ASAP1: variants seen among roughly 807,000 people sequenced by gnomAD.
ASAP1 encodes the protein ArfGAP with SH3 domain, ankyrin repeat and PH domain 1.
Under a neutral mutation model 145.2 loss-of-function variants are expected in ASAP1, and 43 were observed. That is an observed-to-expected ratio of 0.30 (90% CI 0.23 to 0.38). The LOEUF (loss-of-function observed/expected upper bound fraction) is 0.38. Ranked by LOEUF, ASAP1 falls within the 10% of genes least tolerant of loss-of-function variation. ASAP1 has a pLI of 1.00. For synonymous variants in ASAP1, 546 were observed against 515.5 expected (o/e 1.06, Z -0.80); for missense variants, 1,018 against 1,355.3 (o/e 0.75, Z 3.91).
At chr8:130,322,883 C>T (rs1319765672) in intron 3 of ASAP1, among the ~76,000 whole-genome samples, 4 of 152,114 alleles carry the variant, frequency 2.6e-5, no homozygotes, top group East Asian at 3.8e-4. Flanking sequence ...GCCAGGGAGA[C>T]GCAGAAGGCT....
At position 130,351,895 on chromosome 8, in the gene ASAP1, C is replaced by T. The variant is rs559329144; in HGVS notation, c.186+6122G>A. Among the ~76,000 whole-genome samples, 4 of 152,350 alleles carry T rather than the reference C, an allele frequency of 2.6e-5. No homozygotes were observed. The East Asian group carries it at 5.8e-4, about 22-fold the overall frequency. On this transcript the variant is annotated intron_variant, in intron 3 of 29. Coordinates refer to ENST00000518721, the MANE Select transcript of ASAP1 (RefSeq NM_018482.4). ...GCATTAGCATGGAATATCTGGCTAACAGGCTTGTGCCTTGTTTTAGAAAGA... is the reference window on the plus strand; with the variant it reads ...GCATTAGCATGGAATATCTGGCTAATAGGCTTGTGCCTTGTTTTAGAAAGA...
intron 11 of ASAP1, chr8:130,167,326 A>C: frequency 1.6e-6 from 1 of 623,192 alleles, no homozygotes; most frequent in East Asian, 2.9e-5. Flanking sequence ...AAAAAAAAAA[A>C]TCCAGAGTCA....
rs1470396697 is a variant in ASAP1 at position 130,127,994 on chromosome 8, T to C, written c.1314A>G (p.Thr438=). The part of the protein sequence containing the change: ...SAGENSLEDL[T]KAIIEDVQRL... ...GCTGGACATCCTCAATAATGGCTTT[T>C]GTCAGGTCTTCCAGGCTGTTCTCTC... Residue 438 remains threonine, a synonymous_variant, in exon 16 of 30, where the codon ACA becomes ACG. Coordinates refer to ENST00000518721, the MANE Select transcript of ASAP1 (RefSeq NM_018482.4). The C allele has an allele frequency of 6.2e-7, 1 of 1,614,182 alleles. No individual in the cohort carries two copies. Among genetic ancestry groups the C allele is most frequent in the South Asian group, 1.1e-5 (1 of 91,084 alleles).
chr8:130,167,134 T>A (rs1017462189), intron 11 of ASAP1, among the ~76,000 whole-genome samples: 4 of 151,886 alleles, frequency 2.6e-5, no homozygotes, highest in African/African-American at 7.3e-5. Context: ...TCAAACTCCA[T>A]CTCTACAAAA....
At position 130,118,484 on chromosome 8, in the gene ASAP1, C is replaced by T. The variant is rs1353902708; in HGVS notation, c.1794+5G>A. ...TTTTATCCAATGATTTTAGTGAGGC[C>T]TTACCTGCCCAGGTTCCAGCAGTGG... On this transcript the variant is annotated splice_donor_5th_base_variant and intron_variant, in intron 19 of 29. Coordinates refer to ENST00000518721, the MANE Select transcript of ASAP1 (RefSeq NM_018482.4). 1 of 1,600,442 alleles carries T rather than the reference C, an allele frequency of 6.2e-7. No homozygotes were observed. The highest frequency in any genetic ancestry group is 1.7e-5 in the Admixed American group (1 of 57,834).
Position 130,399,373 on chromosome 8 carries a change from T to C in ASAP1, c.59+2512A>G, listed in dbSNP as rs180815452. On this transcript the variant is annotated intron_variant, in intron 2 of 29. Transcript: ENST00000518721. ...CTAATTCTAATAATGCACTGAGTTATTGCAATTATAATTAATATCACCTGA... is the reference window on the plus strand; with the variant it reads ...CTAATTCTAATAATGCACTGAGTTACTGCAATTATAATTAATATCACCTGA... Among the ~76,000 whole-genome samples the C allele has an allele frequency of 5.3e-5, 8 of 152,328 alleles. No individual in the cohort carries two copies. The East Asian group carries it at 1.2e-3, about 22-fold the overall frequency.
chr8:130,197,236 T>C (rs1345919470), intron 5 of ASAP1, among the ~76,000 whole-genome samples: 2 of 152,240 alleles, frequency 1.3e-5, no homozygotes, highest in Non-Finnish European at 2.9e-5. Context: ...GAGACCCGCC[T>C]AGGCGACATG....
intron 4 of ASAP1, among the ~76,000 whole-genome samples, chr8:130,234,068 G>A (rs1173249562): frequency 6.6e-6 from 1 of 152,088 alleles, no homozygotes; most frequent in Non-Finnish European, 1.5e-5. Context: ...GAGTTCTTCA[G>A]GTGATCCTAA....
Position 130,339,415 on chromosome 8 carries a change from T to G in ASAP1, c.186+18602A>C, listed in dbSNP as rs1344166638. Among the ~76,000 whole-genome samples the G allele has an allele frequency of 2.0e-5, 3 of 152,292 alleles. No individual in the cohort carries two copies. The East Asian group carries it at 5.8e-4, about 29-fold the overall frequency. ...AGAAAATTTTAAGAATCAGCAAATT[T>G]ACAAGTATCCTTGAGTACATCGATG... On this transcript the variant is annotated intron_variant, in intron 3 of 29. Coordinates refer to ENST00000518721, the MANE Select transcript of ASAP1 (RefSeq NM_018482.4).
At chr8:130,224,850 C>G (rs144481321) in intron 4 of ASAP1, among the ~76,000 whole-genome samples, 6 of 152,308 alleles carry the variant, frequency 3.9e-5, no homozygotes, top group African/African-American at 1.4e-4. Context: ...TTCACAAAAG[C>G]AGGACTGCTG....
At chr8:130,100,832 T>C (rs1007810392) in intron 24 of ASAP1, among the ~76,000 whole-genome samples, 5 of 152,350 alleles carry the variant, frequency 3.3e-5, no homozygotes, top group African/African-American at 1.2e-4. Flanking sequence ...GCAGAAGCTT[T>C]TTAGTTTGAT....
chr8:130,394,301 T>C (rs1030061667), intron 2 of ASAP1, among the ~76,000 whole-genome samples: 16 of 151,928 alleles, frequency 1.1e-4, no homozygotes, highest in Non-Finnish European at 1.9e-4. Flanking sequence ...TGAGGGTAGG[T>C]CTCTGAAATG....
chr8:130,187,218 AAAC>A lies in ASAP1; in HGVS notation c.530+15_530+17del. 1 of 1,593,260 alleles carries A rather than the reference AAAC, an allele frequency of 6.3e-7. No individual in the cohort carries two copies. The highest frequency in any genetic ancestry group is 8.5e-7 in the Non-Finnish European group (1 of 1,173,366). Reference sequence around the variant, plus strand: ...ATATTAAAAAACAAACAAAAACTCTAAACAAAAAACCACTTACAACTTTGTCTC... The same window carrying A: ...ATATTAAAAAACAAACAAAAACTCTAAAAAAACCACTTACAACTTTGTCTC... On this transcript the variant is annotated intron_variant, in intron 7 of 29. Coordinates refer to ENST00000518721, the MANE Select transcript of ASAP1 (RefSeq NM_018482.4).
chr8:130,158,299 C>T (rs1322974564), intron 12 of ASAP1, among the ~76,000 whole-genome samples: 2 of 150,514 alleles, frequency 1.3e-5, no homozygotes, highest in Non-Finnish European at 2.9e-5. Flanking sequence ...TTCTTGAGGC[C>T]AGGAGTTCAA....
intron 27 of ASAP1, among the ~76,000 whole-genome samples, chr8:130,068,204 C>T (rs918530570): frequency 2.6e-5 from 4 of 152,188 alleles, no homozygotes; most frequent in Non-Finnish European, 1.5e-5. Context: ...AATATTTAAT[C>T]CCTGGTTATT....
chr8:130,296,365 T>G (rs1478445619), intron 3 of ASAP1, among the ~76,000 whole-genome samples: 1 of 152,182 alleles, frequency 6.6e-6, no homozygotes, highest in African/African-American at 2.4e-5. Flanking sequence ...GAAAACCTTG[T>G]TCAACAAAGG....
intron 4 of ASAP1, among the ~76,000 whole-genome samples, chr8:130,226,456 A>T (rs1327219905): frequency 6.6e-6 from 1 of 152,184 alleles, no homozygotes; most frequent in African/African-American, 2.4e-5. Context: ...TGTTAAGATT[A>T]AAGACAAAAT....
At position 130,152,479 on chromosome 8, in the gene ASAP1, C is replaced by T. The variant is rs919562327; in HGVS notation, c.1080+257G>A. ...GGTTTTTCAGAACAATCAATATTTCCCAAAAGATAATATTATGAAATCAAA... is the reference window on the plus strand; with the variant it reads ...GGTTTTTCAGAACAATCAATATTTCTCAAAAGATAATATTATGAAATCAAA... On this transcript the variant is annotated intron_variant, in intron 13 of 29. Transcript: ENST00000518721. 1.7e-5 allele frequency: 5 copies of T among 290,102 alleles called. No individual in the cohort carries two copies. In the Admixed American group the frequency reaches 2.5e-4, roughly 15 times the overall value. 18.0% of individuals were successfully genotyped at this position (290,102 alleles called of 1,614,324 possible). A position where few individuals can be genotyped will look rare whatever the true frequency, so the allele number is the denominator to read the frequency against.
chr8:130,161,879 C>A (rs987164880), intron 11 of ASAP1, among the ~76,000 whole-genome samples: 14 of 152,070 alleles, frequency 9.2e-5, no homozygotes, highest in South Asian at 2.1e-4. Context: ...CAGCTCACTG[C>A]GGCCTGAACC....
Sources: allele counts gnomAD v4.1 joint callset (sites outside exome capture counted in the v4.1 genomes callset), GRCh38; gene constraint gnomAD v4.1.1; transcripts MANE v1.5; gene names NCBI Gene and HGNC (gene_info 2026-07-23, HGNC 2026-07-21).